Variants in LINGO3 observed in about 807,000 individuals in gnomAD.
LINGO3 encodes the protein leucine rich repeat and Ig domain containing 3, also known as leucine-rich repeat and immunoglobulin-like domain-containing nogo receptor-interacting protein 3.
For synonymous variants in LINGO3, 427 were observed against 444.2 expected (o/e 0.96, Z 0.49); for missense variants, 750 against 867.7 (o/e 0.86, Z 1.70).
At chr19:2,297,367 T>C in the LINGO3 span, among the ~76,000 whole-genome samples, 4 of 132,288 alleles carry the variant, frequency 3.0e-5, no homozygotes, top group Non-Finnish European at 4.7e-5. Context: ...TGCAGTGGCA[T>C]GATCTCTGTT....
At chr19:2,291,697 G>C (rs2025525348) in exon 1 of LINGO3, 2 of 1,338,906 alleles carry the variant, frequency 1.5e-6, no homozygotes, top group African/African-American at 3.1e-5. Context: ...CTCGCAGCGG[G>C]CCGGGCAGCC....
At chr19:2,301,982 C>T in the LINGO3 span, among the ~76,000 whole-genome samples, 2 of 147,358 alleles carry the variant, frequency 1.4e-5, no homozygotes, top group East Asian at 2.0e-4. Flanking sequence ...AGTTGCCCTT[C>T]GATGAACTGG....
rs1169139044 is a variant in LINGO3, at chr19:2,290,680, C to T, written c.1097G>A (p.Arg366His). 1.2e-6 allele frequency: 2 copies of T among 1,609,378 alleles called. No homozygotes were observed. The highest frequency in any genetic ancestry group is 1.7e-6 in the Non-Finnish European group (2 of 1,178,598). ...CCCGTCGAAGTTGAGGGTCTTGCGA[C>T]GCTGCACGATCCACAGCAGGCGACA... The change falls in exon 1 of 1, where the codon CGT becomes CAT. Residue 366 changes from arginine to histidine, a missense_variant. By Grantham distance (29) the Arg-to-His change is conservative. Transcript: ENST00000585527. The surrounding 1 kb of genome is among the most constrained non-coding windows in gnomAD (Gnocchi z 6.0).
upstream of LINGO3, among the ~76,000 whole-genome samples, chr19:2,294,814 G>C (rs1447947914): frequency 6.6e-6 from 1 of 152,122 alleles, no homozygotes; most frequent in African/African-American, 2.4e-5. This position sits in a 1 kb window ranked among gnomAD's most constrained non-coding sequence, Gnocchi z 4.3. Context: ...GTGGCGGGTG[G>C]AGGTGGGGTT....
upstream of LINGO3, among the ~76,000 whole-genome samples, chr19:2,296,385 C>T (rs993834077): frequency 3.9e-5 from 6 of 152,188 alleles, no homozygotes; most frequent in South Asian, 2.1e-4. Context: ...GAGGCCAAGG[C>T]GGGGGGATCA....
At chr19:2,288,332 C>T (rs541909489), downstream of LINGO3, among the ~76,000 whole-genome samples, 3 of 152,330 alleles carry the variant, frequency 2.0e-5, no homozygotes, top group South Asian at 2.1e-4. The surrounding 1 kb of genome is among the most constrained non-coding windows in gnomAD (Gnocchi z 6.5). Flanking sequence ...TACACTGCAC[C>T]GCACGTAGCC....
Position 2,290,007 on chromosome 19 carries a change from C to G in LINGO3, c.1770G>C (p.Lys590Asn). The G allele has an allele frequency of 6.5e-7, 1 of 1,541,942 alleles. No individual in the cohort carries two copies. The highest frequency in any genetic ancestry group is 8.8e-7 in the Non-Finnish European group (1 of 1,142,644). The change falls in exon 1 of 1, where the codon AAG (lysine) becomes AAC (asparagine). Residue 590 changes from lysine (K) to asparagine (N), a missense_variant. Transcript: ENST00000585527. The surrounding 1 kb of genome is among the most constrained non-coding windows in gnomAD (Gnocchi z 6.0). ...CCGCCCTGGGGACCCCTCAGATCAT[C>G]TTCATGTTGAACTTGCGCGCGCCTC...
At chr19:2,303,189 C>T in the LINGO3 span, among the ~76,000 whole-genome samples, 1 of 152,242 alleles carries the variant, frequency 6.6e-6, no homozygotes, top group Admixed American at 6.5e-5. Flanking sequence ...CGAATTGGCC[C>T]GTCTGGACAT....
upstream of LINGO3, among the ~76,000 whole-genome samples, chr19:2,296,472 T>A (rs1327204231): frequency 6.6e-6 from 1 of 151,650 alleles, no homozygotes; most frequent in Non-Finnish European, 1.5e-5. Flanking sequence ...AGAGCGAGAC[T>A]CTGTCTTTTG....
upstream of LINGO3, among the ~76,000 whole-genome samples, chr19:2,294,820 G>A (rs889534041): frequency 1.3e-5 from 2 of 152,140 alleles, no homozygotes; most frequent in African/African-American, 4.8e-5. The surrounding 1 kb of genome is among the most constrained non-coding windows in gnomAD (Gnocchi z 4.3). Context: ...GGTGGAGGTG[G>A]GGTTGGAGGG....
At position 2,290,956 on chromosome 19, in the gene LINGO3, C is replaced by T. The variant is rs377093782; in HGVS notation, c.821G>A (p.Cys274Tyr). ...GATGGGGTTGTGCGACAGATTGAGG[C>T]AGGTGAGGTGCGCCTGGTGCCGCAG... The change falls in exon 1 of 1, where the codon TGC becomes TAC. Residue 274 changes from cysteine (C) to tyrosine (Y), a missense_variant. Transcript: ENST00000585527. The surrounding 1 kb of genome is among the most constrained non-coding windows in gnomAD (Gnocchi z 6.0). 158 of 1,611,814 alleles carry T rather than the reference C, an allele frequency of 9.8e-5. 1 individual carries two copies. In the East Asian group the frequency reaches 1.7e-3, roughly 18 times the overall value.
chr19:2,289,757 CTCAG>C, downstream of LINGO3: 4 of 379,344 alleles, frequency 1.1e-5, no homozygotes, highest in South Asian at 9.5e-5. Context: ...CACCCCCCAG[CTCAG>C]CCACCATAGC....
exon 1 of LINGO3, chr19:2,291,409 G>A (rs1449569069): frequency 1.9e-6 from 3 of 1,613,378 alleles, no homozygotes; most frequent in African/African-American, 1.3e-5. Flanking sequence ...GTCCAGGCGC[G>A]TGAAGACCCC....
the LINGO3 span, among the ~76,000 whole-genome samples, chr19:2,300,023 CTTTTTTTTTTT>C: frequency 1.0e-5 from 1 of 95,866 alleles, no homozygotes; most frequent in Non-Finnish European, 1.9e-5. Context: ...TGCCTGGCCT[CTTTTTTTTTTT>C]TTTTTTTTTT....
In LINGO3 at chr19:2,290,067, G is replaced by C. The variant is rs1324254922; in HGVS notation, c.1710C>G (p.Arg570=). 2.6e-6 allele frequency: 4 copies of C among 1,564,922 alleles called. No homozygotes were observed. In the African/African-American group the frequency reaches 5.4e-5, roughly 21 times the overall value. ...CCGCGGCGGCCGGCCCATCCACCTTGCGGAAGGAGTACTCCACCGAGAAGT... is the reference window on the plus strand; with the variant it reads ...CCGCGGCGGCCGGCCCATCCACCTTCCGGAAGGAGTACTCCACCGAGAAGT... Residue 570 remains arginine, a synonymous_variant, in exon 1 of 1, where the codon CGC becomes CGG. Transcript: ENST00000585527. This position sits in a 1 kb window ranked among gnomAD's most constrained non-coding sequence, Gnocchi z 6.0.
downstream of LINGO3, among the ~76,000 whole-genome samples, chr19:2,288,250 A>C (rs1191964564): frequency 4.6e-5 from 7 of 151,980 alleles, no homozygotes; most frequent in Admixed American, 4.6e-4. The surrounding 1 kb of genome is among the most constrained non-coding windows in gnomAD (Gnocchi z 6.5). Flanking sequence ...TTCCTCCATC[A>C]CCTTCTCCCG....
exon 1 of LINGO3, chr19:2,291,079 G>C: frequency 6.2e-7 from 1 of 1,610,076 alleles, no homozygotes; most frequent in Non-Finnish European, 8.5e-7. Flanking sequence ...CTCCAGCAGC[G>C]GCCAGTTGTC....
At chr19:2,301,472 C>A in the LINGO3 span, among the ~76,000 whole-genome samples, 1 of 152,126 alleles carries the variant, frequency 6.6e-6, no homozygotes, top group East Asian at 1.9e-4. Flanking sequence ...CAGAACCTCC[C>A]TGAGTGGGTC....
downstream of LINGO3, among the ~76,000 whole-genome samples, chr19:2,289,222 G>A (rs371214274): frequency 6.7e-6 from 1 of 149,614 alleles, no homozygotes; most frequent in Admixed American, 6.6e-5. Context: ...TGTGTTTCCC[G>A]GGTGTAAGCT....
Sources: allele counts gnomAD v4.1 joint callset (sites outside exome capture counted in the v4.1 genomes callset), GRCh38; gene constraint gnomAD v4.1.1; non-coding constraint Gnocchi (gnomAD v3.1); transcripts MANE v1.5; gene names NCBI Gene and HGNC (gene_info 2026-07-23, HGNC 2026-07-21).